The following PIK3CA variants were observed in gnomAD, a reference collection of about 807,000 sequenced individuals.
PIK3CA encodes phosphatidylinositol-4,5-bisphosphate 3-kinase catalytic subunit alpha.
In PIK3CA, 27 loss-of-function variants were observed where a neutral mutation model predicts 138.2. The observed-to-expected ratio is 0.20, with a 90% CI of 0.14 to 0.27. The LOEUF (loss-of-function observed/expected upper bound fraction) is 0.27. Among genes scored for constraint, PIK3CA ranks in the 10% least tolerant of loss-of-function variants. The pLI, the probability that PIK3CA is intolerant of heterozygous loss-of-function variation, is 1.00. For missense variants in PIK3CA, 544 were observed against 1,277.4 expected, an observed-to-expected ratio of 0.43 and a Z score of 8.75; for synonymous variants, 358 against 413.2, an observed-to-expected ratio of 0.87 and a Z score of 1.62.
chr3:179,186,851 T>G lies in PIK3CA; in HGVS notation c.-76-11899T>G, dbSNP rs752837670. ...AGACCATGATTCCTTGCTAAGTTGG[T>G]CTCTTCATTGATCTCATTGGTTAAA... On this transcript the variant is annotated intron_variant, in intron 1 of 20. Coordinates refer to ENST00000263967, the MANE Select transcript of PIK3CA (RefSeq NM_006218.4). Among the ~76,000 whole-genome samples, 64 of 152,176 alleles carry G rather than the reference T, an allele frequency of 4.2e-4. 1 individual carries two copies. The highest frequency in any genetic ancestry group is 2.6e-4 in the Admixed American group (4 of 15,284).
chr3:179,155,920 T>G (rs1392761135), intron 1 of PIK3CA, among the ~76,000 whole-genome samples: 1 of 152,248 alleles, frequency 6.6e-6, no homozygotes, highest in Non-Finnish European at 1.5e-5. Flanking sequence ...TCCATTCATC[T>G]ATTAACTAGC....
chr3:179,170,074 G>GTGCACACA (rs756375767), intron 1 of PIK3CA, among the ~76,000 whole-genome samples: 3,409 of 119,976 alleles, frequency 0.028, 130 homozygotes, highest in African/African-American at 0.084. Flanking sequence ...ACACGCGCGC[G>GTGCACACA]CGCACACACA....
In PIK3CA at chr3:179,239,777, T is replaced by C. The variant is rs1725403444; in HGVS notation, c.*5413T>C. ...ATTAATTGTAGCAAGTTTATTTCTC[T>C]ATATTTTGTCATTCAGTGAATTGAA... On this transcript the variant is annotated 3_prime_UTR_variant, in exon 21 of 21. Transcript: ENST00000263967. 1 of 416,260 alleles carries C rather than the reference T, an allele frequency of 2.4e-6. No homozygotes were observed. The highest frequency in any genetic ancestry group is 4.3e-6 in the Non-Finnish European group (1 of 234,420). 25.8% of individuals were successfully genotyped at this position (416,260 alleles called of 1,614,324 possible).
chr3:179,182,298 T>C (rs1723867367), intron 1 of PIK3CA, among the ~76,000 whole-genome samples: 1 of 152,174 alleles, frequency 6.6e-6, no homozygotes, highest in African/African-American at 2.4e-5. Context: ...ATGTATTAAA[T>C]CATTGTAAGT....
At chr3:179,157,013 A>C (rs1313570073) in intron 1 of PIK3CA, among the ~76,000 whole-genome samples, 1 of 152,170 alleles carries the variant, frequency 6.6e-6, no homozygotes, top group Non-Finnish European at 1.5e-5. Flanking sequence ...AGATTTATGG[A>C]GTATATCATC....
At chr3:179,163,538 A>G (rs748414043) in intron 1 of PIK3CA, among the ~76,000 whole-genome samples, 4 of 152,014 alleles carry the variant, frequency 2.6e-5, no homozygotes, top group African/African-American at 9.7e-5. Flanking sequence ...TCTCCCCCCA[A>G]CCCCCATACA....
In PIK3CA at chr3:179,230,184, T is replaced by C. The variant is rs776533463; in HGVS notation, c.2785-41T>C. On this transcript the variant is annotated intron_variant, in intron 19 of 20. Coordinates refer to ENST00000263967, the MANE Select transcript of PIK3CA (RefSeq NM_006218.4). This position sits in a 1 kb window ranked among gnomAD's most constrained non-coding sequence, Gnocchi z 5.4. ...TAATTTATTCAAGACATTTTGTATC[T>C]GCATATATCAAACTATAACATAATT... The C allele has an allele frequency of 6.4e-7, 1 of 1,562,946 alleles. No homozygotes were observed. Among genetic ancestry groups the C allele is most frequent in the Non-Finnish European group, 8.8e-7 (1 of 1,135,952 alleles).
chr3:179,239,951 C>A lies in PIK3CA; in HGVS notation c.*5587C>A. The A allele has an allele frequency of 8.4e-7, 1 of 1,192,920 alleles. No homozygotes were observed. The highest frequency in any genetic ancestry group is 1.2e-6 in the Non-Finnish European group (1 of 835,506). The allele number at this position is 1,192,920 out of a possible 1,614,324, so 73.9% of individuals were successfully genotyped here. A position where few individuals can be genotyped will look rare whatever the true frequency, so the allele number is the denominator to read the frequency against. ...AGTATCACTAAATTTAAGACCTCTT[C>A]CCAGTCTTGCTGTTCCTAGCAAGAA... is the stretch of plus-strand genomic sequence containing the variant. On this transcript the variant is annotated 3_prime_UTR_variant, in exon 21 of 21. Coordinates refer to ENST00000263967, the MANE Select transcript of PIK3CA (RefSeq NM_006218.4).
At chr3:179,233,953 G>A in intron 20 of PIK3CA, 141 bp from the exon 21 acceptor site, 1 of 592,266 alleles carries the variant, frequency 1.7e-6, no homozygotes, top group Non-Finnish European at 3.0e-6. Context: ...AAAGATGTTG[G>A]TAAGAGAAGT....
rs1576938305 is a variant in PIK3CA at position 179,210,060 on chromosome 3, A to G, written c.1252-126A>G. Reference sequence around the variant, plus strand: ...AATGGGCTTAAACCTTGAAAAATCAATTTTTTTTTTTTAGATATTCCCATT... The same window carrying G: ...AATGGGCTTAAACCTTGAAAAATCAGTTTTTTTTTTTTAGATATTCCCATT... On this transcript the variant is annotated intron_variant, in intron 7 of 20. Transcript: ENST00000263967. 2.1e-5 allele frequency: 12 copies of G among 564,460 alleles called. No individual in the cohort carries two copies. In the East Asian group the frequency reaches 4.7e-4, roughly 22 times the overall value. 35.0% of individuals were successfully genotyped at this position (564,460 alleles called of 1,614,324 possible).
At position 179,230,416 on chromosome 3, in the gene PIK3CA, G is replaced by A. The variant is rs1321051683; in HGVS notation, c.2936+40G>A. 1 of 1,498,576 alleles carries A rather than the reference G, an allele frequency of 6.7e-7. No individual in the cohort carries two copies. Among genetic ancestry groups the A allele is most frequent in the Non-Finnish European group, 9.1e-7 (1 of 1,103,918 alleles). 92.8% of individuals were successfully genotyped at this position (1,498,576 alleles called of 1,614,324 possible). On this transcript the variant is annotated intron_variant, in intron 20 of 20. Coordinates refer to ENST00000263967, the MANE Select transcript of PIK3CA (RefSeq NM_006218.4). This position sits in a 1 kb window ranked among gnomAD's most constrained non-coding sequence, Gnocchi z 5.4. The stretch of plus-strand genomic sequence containing the variant: ...TTAAAAACACAAAATAAAGAGTTCT[G>A]GCTGCTCTATTAGAAACAATCAATA...
chr3:179,213,952 C>A (rs952888847), intron 9 of PIK3CA, among the ~76,000 whole-genome samples: 1 of 152,210 alleles, frequency 6.6e-6, no homozygotes, highest in African/African-American at 2.4e-5. Flanking sequence ...CTTATACCAA[C>A]CTCTGCTAGC....
At chr3:179,209,474 A>G (rs999225269) in intron 6 of PIK3CA, 121 bp from the exon 7 acceptor site, 14 of 539,974 alleles carry the variant, frequency 2.6e-5, no homozygotes, top group African/African-American at 1.2e-4. Flanking sequence ...GCCTTTTCCA[A>G]TCAATCTCTT....
chr3:179,229,085 G>A (rs940634068), intron 17 of PIK3CA, among the ~76,000 whole-genome samples, 187 bp from the exon 18 acceptor site: 3 of 152,014 alleles, frequency 2.0e-5, no homozygotes, highest in Admixed American at 6.6e-5. Flanking sequence ...AATGATGACA[G>A]GTAATTTTGA....
At chr3:179,182,713 CT>C (rs34396904) in intron 1 of PIK3CA, among the ~76,000 whole-genome samples, 3,482 of 152,192 alleles carry the variant, frequency 0.023, 56 homozygotes, top group Non-Finnish European at 0.035. Flanking sequence ...ATGTATGTTG[CT>C]GCTTTTACAC....
intron 1 of PIK3CA, among the ~76,000 whole-genome samples, chr3:179,165,696 C>T (rs887264227): frequency 6.6e-6 from 1 of 152,214 alleles, no homozygotes; most frequent in African/African-American, 2.4e-5. Context: ...CATCAGCCTT[C>T]TTTTCTGTGC....
intron 1 of PIK3CA, among the ~76,000 whole-genome samples, chr3:179,171,514 A>T (rs979737915): frequency 6.6e-6 from 1 of 152,110 alleles, no homozygotes; most frequent in African/African-American, 2.4e-5. Flanking sequence ...GCTAAAATGA[A>T]CAAGAAGGGA....
At chr3:179,196,429 A>G (rs1724267174) in intron 1 of PIK3CA, among the ~76,000 whole-genome samples, 1 of 152,214 alleles carries the variant, frequency 6.6e-6, no homozygotes, top group Non-Finnish European at 1.5e-5. Flanking sequence ...AATTGTTCAT[A>G]CAGATTGATC....
Position 179,198,835 on chromosome 3 carries a change from C to T in PIK3CA, c.10C>T (p.Arg4Ter), listed in dbSNP as rs1051397. The T allele has an allele frequency of 1.3e-6, 2 of 1,536,106 alleles. No homozygotes were observed. Among genetic ancestry groups the T allele is most frequent in the Non-Finnish European group, 8.7e-7 (1 of 1,142,888 alleles). The part of the protein sequence containing the change: MPP[R>*]PSSGELWGIH... Reference sequence around the variant, plus strand: ...GCAAAGAATCAGAACAATGCCTCCACGACCATCATCAGGTGAACTGTGGGG... The same window carrying T: ...GCAAAGAATCAGAACAATGCCTCCATGACCATCATCAGGTGAACTGTGGGG... Residue 4 changes from arginine to a stop codon, truncating the protein, a stop_gained, in exon 2 of 21, where the codon CGA becomes TGA. Coordinates refer to ENST00000263967, the MANE Select transcript of PIK3CA (RefSeq NM_006218.4). LOFTEE classifies it high-confidence loss of function.
Sources: gnomAD v4.1 joint callset for allele counts (sites outside exome capture counted in the v4.1 genomes callset) on GRCh38, gnomAD v4.1.1 for gene constraint, Gnocchi (gnomAD v3.1) non-coding constraint, MANE v1.5 for transcripts, NCBI Gene and HGNC (gene_info 2026-07-23, HGNC 2026-07-21) for gene names.